The following OTOGL variants were observed in gnomAD, a reference collection of about 807,000 sequenced individuals.
OTOGL encodes the protein otogelin like.
Under a neutral mutation model 318.5 loss-of-function variants are expected in OTOGL, and 285 were observed. The ratio of observed to expected loss-of-function variants is 0.89; its 90% confidence interval spans 0.81 to 0.99. The LOEUF (loss-of-function observed/expected upper bound fraction) is 0.99. OTOGL is among the 50% of genes least tolerant of loss of function. The probability of loss-of-function intolerance (pLI) is 0.00; values close to 1 mark genes in which losing one functional copy is unlikely to be tolerated. For synonymous variants in OTOGL, 987 were observed against 936.5 expected, an observed-to-expected ratio of 1.05 and a Z score of -0.99; for missense variants, 2,899 against 2,845.6, an observed-to-expected ratio of 1.02 and a Z score of -0.43.
chr12:80,212,371 G>T (rs974783878), intron 4 of OTOGL, among the ~76,000 whole-genome samples: 1 of 152,172 alleles, frequency 6.6e-6, no homozygotes, highest in Non-Finnish European at 1.5e-5. Flanking sequence ...GCCGAAAAAT[G>T]TGTAAATAAT....
intron 18 of OTOGL, among the ~76,000 whole-genome samples, chr12:80,258,532 A>G (rs1592620172): frequency 6.6e-6 from 1 of 152,232 alleles, no homozygotes; most frequent in East Asian, 1.9e-4. Context: ...GAAAAGAAGC[A>G]ATAACACATA....
chr12:80,305,517 G>A, intron 28 of OTOGL, 59 bp from the exon 29 acceptor site: 1 of 1,275,362 alleles, frequency 7.8e-7, no homozygotes, highest in Non-Finnish European at 1.0e-6. Flanking sequence ...TAATGAATAT[G>A]AGTCTTTAAA....
chr12:80,310,762 A>G lies in OTOGL; in HGVS notation c.3450+35A>G, dbSNP rs539735603. On this transcript the variant is annotated intron_variant, in intron 30 of 58. Coordinates refer to ENST00000547103, the MANE Select transcript of OTOGL (RefSeq NM_001378609.3). The stretch of plus-strand genomic sequence containing the variant: ...TACTTTAATGAACTCTCGAGTTTCA[A>G]TATGTTCTACTGTGTCTATAATACT... The G allele has an allele frequency of 1.2e-4, 171 of 1,482,182 alleles. 4 individuals are homozygous for G. The South Asian group carries it at 1.8e-3, about 16-fold the overall frequency. 91.8% of individuals were successfully genotyped at this position (1,482,182 alleles called of 1,614,324 possible).
At chr12:80,204,274 A>C (rs1876663818) in intron 1 of OTOGL, among the ~76,000 whole-genome samples, 2 of 152,254 alleles carry the variant, frequency 1.3e-5, no homozygotes, top group South Asian at 4.1e-4. Flanking sequence ...AGTTTTCCAT[A>C]TCAATCTTGC....
intron 9 of OTOGL, among the ~76,000 whole-genome samples, chr12:80,236,853 C>T (rs1180918320): frequency 5.0e-5 from 7 of 138,800 alleles, no homozygotes; most frequent in African/African-American, 1.6e-4. Context: ...CTTTCTCTGT[C>T]GCACAGGCTG....
At chr12:80,146,795 A>T (rs1374554975) in intron 1 of OTOGL, among the ~76,000 whole-genome samples, 1 of 150,800 alleles carries the variant, frequency 6.6e-6, no homozygotes, top group African/African-American at 2.4e-5. Flanking sequence ...GGGAGAGTGT[A>T]TGTGTCGAGG....
intron 55 of OTOGL, among the ~76,000 whole-genome samples, chr12:80,369,093 T>C (rs1179463685): frequency 6.6e-6 from 1 of 152,008 alleles, no homozygotes; most frequent in Non-Finnish European, 1.5e-5. Flanking sequence ...CACCCTTTCT[T>C]TTCAAAAATA....
At chr12:80,334,921 C>A (rs766163371) in intron 38 of OTOGL, among the ~76,000 whole-genome samples, 16 of 152,116 alleles carry the variant, frequency 1.1e-4, no homozygotes, top group East Asian at 9.6e-4. Flanking sequence ...AGTGGTACAA[C>A]TTTTACACAG....
At chr12:80,345,481 C>T (rs1276908283) in intron 44 of OTOGL, among the ~76,000 whole-genome samples, 2 of 151,908 alleles carry the variant, frequency 1.3e-5, no homozygotes, top group Non-Finnish European at 2.9e-5. Context: ...AAGTGATCCA[C>T]CTGCCTTGGC....
chr12:80,221,989 G>T, intron 6 of OTOGL, 102 bp from the exon 7 acceptor site: 1 of 1,303,302 alleles, frequency 7.7e-7, no homozygotes, highest in African/African-American at 1.5e-5. Flanking sequence ...ACCAAGGAAG[G>T]AAATTTGAAT....
At chr12:80,335,087 A>G (rs1888307795) in intron 38 of OTOGL, among the ~76,000 whole-genome samples, 1 of 152,176 alleles carries the variant, frequency 6.6e-6, no homozygotes, top group Non-Finnish European at 1.5e-5. Flanking sequence ...GAAACAAATG[A>G]AAAAAGATAC....
chr12:80,259,142 A>G (rs1882311812), intron 18 of OTOGL, among the ~76,000 whole-genome samples: 1 of 150,832 alleles, frequency 6.6e-6, no homozygotes, highest in Non-Finnish European at 1.5e-5. Context: ...GCAAGGATCA[A>G]TCAACTATAT....
At chr12:80,322,751 T>A (rs901013243) in intron 34 of OTOGL, among the ~76,000 whole-genome samples, 11 of 152,194 alleles carry the variant, frequency 7.2e-5, no homozygotes, top group Admixed American at 6.5e-5. Flanking sequence ...GTTTTAGAAC[T>A]GTATGCATGT....
At chr12:80,239,638 A>G (rs1413434801) in intron 11 of OTOGL, among the ~76,000 whole-genome samples, 199 bp downstream of exon 11, 2 of 152,138 alleles carry the variant, frequency 1.3e-5, no homozygotes. Flanking sequence ...GTAGATGTAC[A>G]TATTTTCAGG....
Position 80,263,356 on chromosome 12 carries a change from A to G in OTOGL, c.2014+1263A>G, listed in dbSNP as rs368270584. Reference sequence around the variant, plus strand: ...ACTTTACTTTTTATTTTTTAATAACATGTTAAAGTTGAAGTAGAGTTCAAT... The same window carrying G: ...ACTTTACTTTTTATTTTTTAATAACGTGTTAAAGTTGAAGTAGAGTTCAAT... On this transcript the variant is annotated intron_variant, in intron 19 of 58. Transcript: ENST00000547103. 2.0e-5 allele frequency among the ~76,000 whole-genome samples: 3 copies of G among 152,150 alleles called. No homozygotes were observed. The East Asian group carries it at 5.8e-4, about 29-fold the overall frequency.
chr12:80,252,780 T>A (rs1329572652), intron 13 of OTOGL, among the ~76,000 whole-genome samples: 1 of 152,132 alleles, frequency 6.6e-6, no homozygotes, highest in Non-Finnish European at 1.5e-5. Context: ...TGGAACCAGA[T>A]CTGTTTGGCC....
intron 6 of OTOGL, among the ~76,000 whole-genome samples, chr12:80,221,091 G>A (rs981773117): frequency 1.3e-5 from 2 of 151,806 alleles, no homozygotes; most frequent in African/African-American, 4.8e-5. Context: ...AATGTTACTG[G>A]TTTTCATATT....
chr12:80,254,548 C>G lies in OTOGL; in HGVS notation c.1419C>G (p.Asn473Lys), dbSNP rs766294383. 6.2e-7 allele frequency: 1 copy of G among 1,608,206 alleles called. No individual in the cohort carries two copies. The highest frequency in any genetic ancestry group is 1.3e-5 in the African/African-American group (1 of 74,714). Residue 473 changes from asparagine (N) to lysine (K), a missense_variant, in exon 15 of 59, where the codon AAC becomes AAG. Asn to Lys is a moderately conservative substitution (Grantham distance 94, BLOSUM62 0). Transcript: ENST00000547103. Reference sequence around the variant, plus strand: ...GTGTGTGTGTTGGTGGAGTTTGGAACTGCACTGAGCAAGACTGTCCAGGTA... The same window carrying G: ...GTGTGTGTGTTGGTGGAGTTTGGAAGTGCACTGAGCAAGACTGTCCAGGTA... ...TECVCVGGVW[N>K]CTEQDCPVQC...
intron 1 of OTOGL, among the ~76,000 whole-genome samples, chr12:80,118,397 C>G (rs1024351801): frequency 8.5e-5 from 13 of 152,152 alleles, no homozygotes; most frequent in African/African-American, 3.1e-4. Flanking sequence ...TGGATGATCT[C>G]ACAGCGCTAG....
Sources: gnomAD v4.1 joint callset for allele counts (sites outside exome capture counted in the v4.1 genomes callset) on GRCh38, gnomAD v4.1.1 for gene constraint, MANE v1.5 for transcripts, NCBI Gene and HGNC (gene_info 2026-07-23, HGNC 2026-07-21) for gene names.